TCF7: variants seen among roughly 807,000 people sequenced by gnomAD.
TCF7 encodes the protein T-cell-factor-7.
In TCF7, 19 loss-of-function variants were observed where a neutral mutation model predicts 46.8. The observed-to-expected ratio is 0.41, with a 90% CI of 0.28 to 0.60. The LOEUF (loss-of-function observed/expected upper bound fraction) is 0.60. Among genes scored for constraint, TCF7 ranks in the 20% least tolerant of loss-of-function variants. The pLI, the probability that TCF7 is intolerant of heterozygous loss-of-function variation, is 0.35. For missense variants in TCF7, 547 were observed against 504.6 expected (o/e 1.08, Z -0.81); for synonymous variants, 245 against 213.4 (o/e 1.15, Z -1.29).
intron 4 of TCF7, 198 bp downstream of exon 4, chr5:134,138,362 C>T: frequency 1.8e-6 from 1 of 554,200 alleles, no homozygotes; most frequent in East Asian, 3.1e-5. Context: ...GGTGCTAGGT[C>T]AAAATGTGAA....
At chr5:134,137,811 G>T in intron 3 of TCF7, 1 of 372,128 alleles carries the variant, frequency 2.7e-6, no homozygotes, top group Non-Finnish European at 4.8e-6. Flanking sequence ...CAGGGGAGAC[G>T]CACCTCCAGG....
chr5:134,126,225 C>G (rs1006681920), intron 3 of TCF7, among the ~76,000 whole-genome samples: 1 of 152,132 alleles, frequency 6.6e-6, no homozygotes, highest in East Asian at 1.9e-4. Context: ...AAGGTCCAGG[C>G]GGGCTGGCCA....
At chr5:134,136,044 G>C (rs1758814358) in intron 3 of TCF7, among the ~76,000 whole-genome samples, 1 of 152,166 alleles carries the variant, frequency 6.6e-6, no homozygotes, top group South Asian at 2.1e-4. Flanking sequence ...GGAGGGATGG[G>C]GCAAGAGACT....
intron 3 of TCF7, among the ~76,000 whole-genome samples, chr5:134,117,223 G>A (rs1467656468): frequency 1.3e-5 from 2 of 152,200 alleles, no homozygotes; most frequent in Non-Finnish European, 2.9e-5. Context: ...CTCTGGGGTG[G>A]CTTGGTATAT....
chr5:134,113,105 G>A (rs1172696045), upstream of TCF7, among the ~76,000 whole-genome samples: 1 of 152,160 alleles, frequency 6.6e-6, no homozygotes, highest in East Asian at 1.9e-4. Context: ...TCTCCCCTCC[G>A]GGCAGGGCCG....
intron 9 of TCF7, chr5:134,145,323 G>C: frequency 1.9e-6 from 1 of 540,050 alleles, no homozygotes. Context: ...CAACAACACA[G>C]AACCATCTGG....
Position 134,130,996 on chromosome 5 carries a change from A to AC in TCF7, c.442-7059dup, listed in dbSNP as rs1758043710. On this transcript the variant is annotated intron_variant, in intron 3 of 9. Coordinates refer to ENST00000342854, the MANE Select transcript of TCF7 (RefSeq NM_003202.5). ...GTTGGGGATGTGAGCATGGCAAGGGACCCCTTCCTCCTCAGATGAGGAGGA... is the reference window on the plus strand; with the variant it reads ...GTTGGGGATGTGAGCATGGCAAGGGACCCCCTTCCTCCTCAGATGAGGAGGA... Among the ~76,000 whole-genome samples the AC allele has an allele frequency of 2.6e-5, 4 of 152,156 alleles. No individual in the cohort carries two copies. In the South Asian group the frequency reaches 8.3e-4, roughly 32 times the overall value.
the TCF7 span, among the ~76,000 whole-genome samples, chr5:134,109,576 C>A: frequency 6.6e-6 from 1 of 152,134 alleles, no homozygotes; most frequent in African/African-American, 2.4e-5. Context: ...TCGAGACCAG[C>A]ATGGCCAACA....
At chr5:134,121,686 G>A (rs974195692) in intron 3 of TCF7, among the ~76,000 whole-genome samples, 16 of 152,124 alleles carry the variant, frequency 1.1e-4, no homozygotes, top group African/African-American at 3.4e-4. Context: ...TGCCACAGGT[G>A]TGGGCAGCCT....
chr5:134,127,844 C>T (rs1231949454), intron 3 of TCF7, among the ~76,000 whole-genome samples: 5 of 152,254 alleles, frequency 3.3e-5, no homozygotes, highest in Admixed American at 2.6e-4. Flanking sequence ...TGGCACAATG[C>T]TGGCGTTCCT....
chr5:134,108,651 G>A, the TCF7 span, among the ~76,000 whole-genome samples: 2 of 152,138 alleles, frequency 1.3e-5, no homozygotes, highest in Non-Finnish European at 2.9e-5. Context: ...TTCTAGGAGA[G>A]AGGGCAGACA....
intron 5 of TCF7, chr5:134,139,291 C>A: frequency 3.8e-6 from 2 of 530,572 alleles, no homozygotes; most frequent in Non-Finnish European, 6.7e-6. Flanking sequence ...CTGGTCCCAG[C>A]CCTGTCTCCC....
At chr5:134,120,908 G>A (rs1489032206) in intron 3 of TCF7, among the ~76,000 whole-genome samples, 2 of 152,252 alleles carry the variant, frequency 1.3e-5, no homozygotes, top group Non-Finnish European at 2.9e-5. Context: ...GAGGGGCCCA[G>A]GGAGGTGCCA....
intron 9 of TCF7, 56 bp from the exon 10 acceptor site, chr5:134,146,168 G>T (rs1259163216): frequency 6.2e-7 from 1 of 1,613,710 alleles, no homozygotes; most frequent in Non-Finnish European, 8.5e-7. Flanking sequence ...TTTGGTTGTG[G>T]TGTATGACTA....
intron 3 of TCF7, 86 bp from the exon 4 acceptor site, chr5:134,137,973 C>A: frequency 8.6e-7 from 1 of 1,159,868 alleles, no homozygotes; most frequent in Non-Finnish European, 1.2e-6. Flanking sequence ...TTTTCTTTGA[C>A]AGCTGGGCTT....
chr5:134,141,922 G>T, intron 5 of TCF7: 1 of 358,626 alleles, frequency 2.8e-6, no homozygotes, highest in Non-Finnish European at 5.0e-6. Flanking sequence ...GACGTGAGAA[G>T]GGGACAGATT....
intron 5 of TCF7, chr5:134,140,893 G>A: frequency 2.4e-6 from 1 of 425,298 alleles, no homozygotes; most frequent in Non-Finnish European, 4.7e-6. Flanking sequence ...CCCCAGGTGA[G>A]TCCCCTACAC....
chr5:134,142,569 G>A (rs1231092752), intron 6 of TCF7, 152 bp from the exon 7 acceptor site: 2 of 1,082,878 alleles, frequency 1.8e-6, no homozygotes, highest in African/African-American at 1.6e-5. Context: ...TTAGCTGTCT[G>A]CTCACCCATT....
At chr5:134,144,775 C>G in intron 9 of TCF7, 2 of 1,609,970 alleles carry the variant, frequency 1.2e-6, no homozygotes, top group South Asian at 2.2e-5. Flanking sequence ...CTGCTCTACC[C>G]CTCTGGCATG....
Sources: allele counts gnomAD v4.1 joint callset (sites outside exome capture counted in the v4.1 genomes callset), GRCh38; gene constraint gnomAD v4.1.1; transcripts MANE v1.5; gene names NCBI Gene and HGNC (gene_info 2026-07-23, HGNC 2026-07-21).